Variants in ZNF366 observed in about 807,000 individuals in gnomAD.
ZNF366 encodes zinc finger protein 366, also known as dendritic cell-specific transcript protein.
A neutral mutation model predicts 47.2 loss-of-function variants in ZNF366; 20 were observed. That is an observed-to-expected ratio of 0.42 (90% CI 0.30 to 0.62). ZNF366 has a LOEUF of 0.62. Ranked by LOEUF, ZNF366 falls within the 20% of genes least tolerant of loss-of-function variation. The pLI, the probability that ZNF366 is intolerant of heterozygous loss-of-function variation, is 0.16. For synonymous variants in ZNF366, 421 were observed against 395.1 expected (o/e 1.07, Z -0.78); for missense variants, 987 against 976.3 (o/e 1.01, Z -0.15).
chr5:72,484,928 C>T (rs1346398830), intron 1 of ZNF366, among the ~76,000 whole-genome samples: 2 of 151,124 alleles, frequency 1.3e-5, no homozygotes, highest in African/African-American at 4.9e-5. Context: ...CATAGAAGGA[C>T]CTATATTTCC....
intron 1 of ZNF366, among the ~76,000 whole-genome samples, chr5:72,473,270 G>A (rs1406505053): frequency 6.6e-6 from 1 of 152,228 alleles, no homozygotes. Context: ...ATGGTCAAGA[G>A]GTAGAGGGAG....
chr5:72,447,770 T>C (rs932624721), intron 3 of ZNF366, among the ~76,000 whole-genome samples: 1 of 152,230 alleles, frequency 6.6e-6, no homozygotes, highest in Non-Finnish European at 1.5e-5. Context: ...TGTTTAATAT[T>C]TATGCAGCAT....
intron 2 of ZNF366, among the ~76,000 whole-genome samples, chr5:72,458,634 A>G (rs1453123092): frequency 6.6e-6 from 1 of 152,202 alleles, no homozygotes; most frequent in Non-Finnish European, 1.5e-5. Flanking sequence ...GCCAAGGCAC[A>G]GGTGCCTGTG....
chr5:72,440,037 T>A lies in ZNF366; in HGVS notation c.*3719A>T, dbSNP rs1742825183. 1 of 152,268 alleles carries A rather than the reference T, an allele frequency of 6.6e-6. No individual in the cohort carries two copies. Among genetic ancestry groups the A allele is most frequent in the Admixed American group, 6.5e-5 (1 of 15,288 alleles). 9.4% of individuals were successfully genotyped at this position (152,268 alleles called of 1,614,324 possible). On this transcript the variant is annotated 3_prime_UTR_variant, in exon 5 of 5. Coordinates refer to ENST00000318442, the MANE Select transcript of ZNF366 (RefSeq NM_152625.3). ...GCTATATACTTAGAGTTTTAGTTTT[T>A]AAATAGCAAGCCAGAGTTCTGTACA...
In ZNF366 at chr5:72,458,012, C is replaced by CTTT. The variant is rs1228705988; in HGVS notation, c.1333-1420_1333-1418dup. Among the ~76,000 whole-genome samples the CTTT allele has an allele frequency of 6.8e-3, 659 of 97,014 alleles. 3 individuals carry two copies. Among genetic ancestry groups the CTTT allele is most frequent in the Non-Finnish European group, 8.6e-3 (419 of 48,770 alleles). The allele number at this position is 97,014 out of a possible 152,430, so 63.6% of individuals were successfully genotyped here. On this transcript the variant is annotated intron_variant, in intron 2 of 4. Transcript: ENST00000318442. ...TTTTAAATTTTATTTTAGCATCTTT[C>CTTT]TTTTTTTTTTTTTTTTTTTTTTGAG...
At chr5:72,475,453 C>T (rs922216122) in intron 1 of ZNF366, among the ~76,000 whole-genome samples, 25 of 152,198 alleles carry the variant, frequency 1.6e-4, no homozygotes, top group Admixed American at 1.6e-3. Context: ...AAAAGGACTA[C>T]AGAGGTAAGC....
intron 3 of ZNF366, among the ~76,000 whole-genome samples, chr5:72,449,045 G>C (rs1743011571): frequency 6.6e-6 from 1 of 152,178 alleles, no homozygotes; most frequent in Non-Finnish European, 1.5e-5. Context: ...GGTGACCTAA[G>C]AGGGGAAAAG....
At position 72,443,933 on chromosome 5, in the gene ZNF366, C is replaced by T. The variant is rs1417117511; in HGVS notation, c.2058G>A (p.Glu686=). ...EKRSKGDLGA[E]GGQERDCAGR... Reference sequence around the variant, plus strand: ...CGGCACAGTCTCTCTCCTGGCCGCCCTCTGCCCCAAGGTCACCCTTGCTCC... The same window carrying T: ...CGGCACAGTCTCTCTCCTGGCCGCCTTCTGCCCCAAGGTCACCCTTGCTCC... Residue 686 remains glutamate, a synonymous_variant, in exon 5 of 5, where the codon GAG becomes GAA. Transcript: ENST00000318442. 3.7e-6 allele frequency: 6 copies of T among 1,614,112 alleles called. No individual in the cohort carries two copies. The highest frequency in any genetic ancestry group is 2.2e-5 in the East Asian group (1 of 44,896).
At chr5:72,494,684 A>T (rs1744077484) in intron 1 of ZNF366, among the ~76,000 whole-genome samples, 1 of 150,852 alleles carries the variant, frequency 6.6e-6, no homozygotes, top group African/African-American at 2.4e-5. Flanking sequence ...ATTCACAGAT[A>T]ATTGTCTGGA....
chr5:72,450,083 G>A (rs1407880599), intron 3 of ZNF366, among the ~76,000 whole-genome samples: 1 of 152,134 alleles, frequency 6.6e-6, no homozygotes, highest in African/African-American at 2.4e-5. Context: ...AAACTGAACT[G>A]GTCTGAGAAG....
rs1742845397 is a variant in ZNF366 at position 72,440,934 on chromosome 5, C to A, written c.*2822G>T. ...ACTCCATAACAAATTGTTTTTATTT[C>A]TCCTAGACCTTTTTACTGCCTCCAA... On this transcript the variant is annotated 3_prime_UTR_variant, in exon 5 of 5. Transcript: ENST00000318442. 6.6e-6 allele frequency: 1 copy of A among 152,170 alleles called. No individual in the cohort carries two copies. The highest frequency in any genetic ancestry group is 2.4e-5 in the African/African-American group (1 of 41,416). 9.4% of individuals were successfully genotyped at this position (152,170 alleles called of 1,614,324 possible).
rs984262606 is a variant in ZNF366 at position 72,440,811 on chromosome 5, G to T, written c.*2945C>A. 1 of 152,208 alleles carries T rather than the reference G, an allele frequency of 6.6e-6. No homozygotes were observed. Among genetic ancestry groups the T allele is most frequent in the African/African-American group, 2.4e-5 (1 of 41,450 alleles). 9.4% of individuals were successfully genotyped at this position (152,208 alleles called of 1,614,324 possible). A position where few individuals can be genotyped will look rare whatever the true frequency, so the allele number is the denominator to read the frequency against. On this transcript the variant is annotated 3_prime_UTR_variant, in exon 5 of 5. Transcript: ENST00000318442. ...AACAGCATACAAAACCAATGTTTTA[G>T]CATTGGTGCTCAGGTTAATGCTGTA...
intron 1 of ZNF366, among the ~76,000 whole-genome samples, chr5:72,475,435 A>G (rs1743653321): frequency 6.6e-6 from 1 of 152,204 alleles, no homozygotes. Flanking sequence ...CTAAGCTGGA[A>G]GGAACCTAAA....
Position 72,444,084 on chromosome 5 carries a change from G to T in ZNF366, c.1907C>A (p.Ala636Asp), listed in dbSNP as rs747764424. The part of the protein sequence containing the change: ...YEVEPYSPGL[A>D]PQSQQLCTPE... ...TGTGCAGAGCTGCTGGCTCTGGGGGGCCAGGCCAGGGCTGTAGGGCTCCAC... is the reference window on the plus strand; with the variant it reads ...TGTGCAGAGCTGCTGGCTCTGGGGGTCCAGGCCAGGGCTGTAGGGCTCCAC... The change falls in exon 5 of 5, where the codon GCC (alanine) becomes GAC (aspartate). Residue 636 changes from alanine to aspartate, a missense_variant. Physicochemically the swap from Ala to Asp is moderately radical, Grantham distance 126 (BLOSUM62 -2). This residue lies in a region of ZNF366 where 285 missense variants were observed against 234.8 expected (regional missense o/e 1.21). Transcript: ENST00000318442. 5 of 1,614,118 alleles carry T rather than the reference G, an allele frequency of 3.1e-6. No individual in the cohort carries two copies. The highest frequency in any genetic ancestry group is 3.4e-6 in the Non-Finnish European group (4 of 1,180,022).
chr5:72,487,798 A>T (rs1743920798), intron 1 of ZNF366, among the ~76,000 whole-genome samples: 1 of 152,182 alleles, frequency 6.6e-6, no homozygotes, highest in African/African-American at 2.4e-5. Context: ...TATTTTGCAA[A>T]ATGCAAAATA....
chr5:72,482,640 T>G (rs1305214392), intron 1 of ZNF366, among the ~76,000 whole-genome samples: 1 of 152,170 alleles, frequency 6.6e-6, no homozygotes, highest in African/African-American at 2.4e-5. Context: ...TGCAGGTGTT[T>G]GAGCATCAAC....
In ZNF366 at chr5:72,458,981, G is replaced by T. The variant is rs182553553; in HGVS notation, c.1332+1184C>A. Among the ~76,000 whole-genome samples, 295 of 152,274 alleles carry T rather than the reference G, an allele frequency of 1.9e-3. 2 individuals carry two copies. The highest frequency in any genetic ancestry group is 9.1e-4 in the Non-Finnish European group (62 of 68,018). On this transcript the variant is annotated intron_variant, in intron 2 of 4. Transcript: ENST00000318442. ...AAAGGAGCCCCTGAAGTTAGCGAAT[G>T]GTCCCCTTTACGGCTGAATCCCAGT...
intron 1 of ZNF366, among the ~76,000 whole-genome samples, chr5:72,463,392 A>G (rs1482514127): frequency 6.6e-6 from 1 of 152,228 alleles, no homozygotes; most frequent in Non-Finnish European, 1.5e-5. Flanking sequence ...ACAGATAACT[A>G]AAAAAATAAT....
chr5:72,444,619 T>A (rs77459893), intron 4 of ZNF366, among the ~76,000 whole-genome samples: 11 of 152,162 alleles, frequency 7.2e-5, no homozygotes, highest in African/African-American at 2.7e-4. Flanking sequence ...ATTTTTTTTT[T>A]ATCACAGTCA....
Sources: gnomAD v4.1 joint callset for allele counts (sites outside exome capture counted in the v4.1 genomes callset) on GRCh38, gnomAD v4.1.1 for gene constraint, gnomAD v4.1.1 regional missense constraint, MANE v1.5 for transcripts, NCBI Gene and HGNC (gene_info 2026-07-23, HGNC 2026-07-21) for gene names.